UNC13C: variants seen among roughly 807,000 people sequenced by gnomAD.
The protein encoded by UNC13C is protein unc-13 homolog C.
A neutral mutation model predicts 245.4 loss-of-function variants in UNC13C; 174 were observed. The observed-to-expected ratio is 0.71, with a 90% CI of 0.63 to 0.80. UNC13C has a LOEUF of 0.80. Ranked by LOEUF, UNC13C falls within the 30% of genes least tolerant of loss-of-function variation. The pLI is 0.00. For missense variants in UNC13C, 2,829 were observed against 2,602.9 expected (o/e 1.09, Z -1.89); for synonymous variants, 992 against 895.1 (o/e 1.11, Z -1.93).
At chr15:54,551,193 C>T (rs771265358) in intron 28 of UNC13C, among the ~76,000 whole-genome samples, 4 of 152,084 alleles carry the variant, frequency 2.6e-5, no homozygotes, top group Non-Finnish European at 5.9e-5. Flanking sequence ...TTGTTTGATA[C>T]GTTGCCATAA....
At chr15:53,859,334 A>G in the UNC13C span, among the ~76,000 whole-genome samples, 190 of 152,290 alleles carry the variant, frequency 1.2e-3, 2 homozygotes, top group South Asian at 0.025. Context: ...CCTCACAAAA[A>G]TTACAAATAT....
At position 54,627,161 on chromosome 15, in the gene UNC13C, C is replaced by A; in HGVS notation, c.*48C>A. On this transcript the variant is annotated 3_prime_UTR_variant, in exon 33 of 33. Transcript: ENST00000260323. The stretch of plus-strand genomic sequence containing the variant: ...CATAACTATAATTGTTTGACTACTG[C>A]ATGCATGTGCAAATACATGGGAATG... 3 of 1,515,388 alleles carry A rather than the reference C, an allele frequency of 2.0e-6. No individual in the cohort carries two copies. The highest frequency in any genetic ancestry group is 2.0e-5 in the Admixed American group (1 of 51,208). 93.9% of individuals were successfully genotyped at this position (1,515,388 alleles called of 1,614,324 possible). A position where few individuals can be genotyped will look rare whatever the true frequency, so the allele number is the denominator to read the frequency against.
chr15:53,845,094 G>A, the UNC13C span, among the ~76,000 whole-genome samples: 1 of 152,106 alleles, frequency 6.6e-6, no homozygotes. Flanking sequence ...GGGAGGCCAA[G>A]GTGGGTGGAT....
chr15:54,457,670 T>C (rs1222888126), intron 19 of UNC13C, among the ~76,000 whole-genome samples: 1 of 152,098 alleles, frequency 6.6e-6, no homozygotes, highest in Non-Finnish European at 1.5e-5. Flanking sequence ...CATATAGGTG[T>C]TCAAATTGCC....
At chr15:54,428,244 C>T (rs1202574322) in intron 19 of UNC13C, among the ~76,000 whole-genome samples, 1 of 151,546 alleles carries the variant, frequency 6.6e-6, no homozygotes, top group South Asian at 2.1e-4. Context: ...TGTTCATGAC[C>T]CTTGTCACAC....
chr15:54,044,493 G>A, intron 2 of UNC13C: 1 of 250,394 alleles, frequency 4.0e-6, no homozygotes, highest in Non-Finnish European at 8.4e-6. Flanking sequence ...ACTGTTTGAA[G>A]AATTTCCCAA....
At chr15:54,617,860 T>G (rs535905048) in intron 30 of UNC13C, among the ~76,000 whole-genome samples, 29 of 152,160 alleles carry the variant, frequency 1.9e-4, no homozygotes, top group African/African-American at 7.0e-4. Flanking sequence ...AGCTTGATAT[T>G]TAATGGTGAT....
intron 10 of UNC13C, among the ~76,000 whole-genome samples, chr15:54,290,958 A>G (rs1343502163): frequency 6.6e-6 from 1 of 152,050 alleles, no homozygotes; most frequent in African/African-American, 2.4e-5. Flanking sequence ...TGCATTTGCA[A>G]TGTATTGAGA....
chr15:53,845,637 A>T, the UNC13C span, among the ~76,000 whole-genome samples: 1 of 152,226 alleles, frequency 6.6e-6, no homozygotes, highest in South Asian at 2.1e-4. Context: ...TATAATTATA[A>T]CTACTTATTA....
At chr15:54,535,968 A>G (rs1895965870) in intron 26 of UNC13C, among the ~76,000 whole-genome samples, 2 of 152,116 alleles carry the variant, frequency 1.3e-5, no homozygotes, top group African/African-American at 4.8e-5. Context: ...AGCCAGCAGA[A>G]GAAAAATCAC....
chr15:54,011,391 A>G (rs1463756015), intron 1 of UNC13C, among the ~76,000 whole-genome samples: 2 of 152,232 alleles, frequency 1.3e-5, no homozygotes, highest in Non-Finnish European at 2.9e-5. Context: ...GATTTAAACA[A>G]AAAGAACCAT....
chr15:53,956,968 A>G, the UNC13C span, among the ~76,000 whole-genome samples: 1 of 151,680 alleles, frequency 6.6e-6, no homozygotes, highest in African/African-American at 2.4e-5. Context: ...ATAAAATAGG[A>G]GCTGCATGTA....
chr15:54,420,669 G>A (rs925216325), intron 19 of UNC13C, among the ~76,000 whole-genome samples: 2 of 151,906 alleles, frequency 1.3e-5, no homozygotes, highest in African/African-American at 4.8e-5. Context: ...AAAAATAATA[G>A]TCAGTGTGGA....
At chr15:54,215,689 G>A (rs550577398) in intron 4 of UNC13C, among the ~76,000 whole-genome samples, 1 of 151,952 alleles carries the variant, frequency 6.6e-6, no homozygotes, top group African/African-American at 2.4e-5. Context: ...CAGAGTTCAT[G>A]AAGTGGCATG....
intron 7 of UNC13C, among the ~76,000 whole-genome samples, chr15:54,249,695 G>C (rs965729576): frequency 6.6e-6 from 1 of 152,100 alleles, no homozygotes; most frequent in Non-Finnish European, 1.5e-5. Flanking sequence ...CCATGGGAGA[G>C]TGCCTCATTT....
intron 2 of UNC13C, among the ~76,000 whole-genome samples, chr15:54,112,345 G>A (rs879589589): frequency 5.9e-5 from 9 of 152,156 alleles, no homozygotes; most frequent in Non-Finnish European, 1.2e-4. Context: ...CAGTCCCATC[G>A]TGAAGTGCAT....
At chr15:54,103,531 A>C (rs1474386148) in intron 2 of UNC13C, among the ~76,000 whole-genome samples, 2 of 152,212 alleles carry the variant, frequency 1.3e-5, no homozygotes, top group African/African-American at 2.4e-5. Flanking sequence ...TTGTAGATTA[A>C]AAATATTTTT....
chr15:53,846,270 G>T, the UNC13C span, among the ~76,000 whole-genome samples: 1 of 152,154 alleles, frequency 6.6e-6, no homozygotes, highest in Non-Finnish European at 1.5e-5. Context: ...CATTCACATG[G>T]CATTGTGTAG....
chr15:54,097,278 T>C (rs556338755), intron 2 of UNC13C, among the ~76,000 whole-genome samples: 7 of 152,238 alleles, frequency 4.6e-5, no homozygotes, highest in Non-Finnish European at 8.8e-5. Flanking sequence ...TTCAAAATTA[T>C]TATCTATTTT....
Sources: allele counts gnomAD v4.1 joint callset (sites outside exome capture counted in the v4.1 genomes callset), GRCh38; gene constraint gnomAD v4.1.1; transcripts MANE v1.5; gene names NCBI Gene and HGNC (gene_info 2026-07-23, HGNC 2026-07-21).